NEDD1: variants seen among roughly 807,000 people sequenced by gnomAD.
NEDD1 encodes the protein protein NEDD1.
A neutral mutation model predicts 74.0 loss-of-function variants in NEDD1; 33 were observed. The ratio of observed to expected loss-of-function variants is 0.45; its 90% CI spans 0.34 to 0.60. The LOEUF (loss-of-function observed/expected upper bound fraction) is 0.60. Among genes scored for constraint, NEDD1 ranks in the 20% least tolerant of loss-of-function variants. The pLI is 0.01. For missense variants in NEDD1, 746 were observed against 776.5 expected, an observed-to-expected ratio of 0.96 and a Z score of 0.47; for synonymous variants, 250 against 264.4, an observed-to-expected ratio of 0.95 and a Z score of 0.53.
rs1247820013 is a variant in NEDD1 at position 96,930,236 on chromosome 12, C to G, written c.490-4740C>G. 2.6e-5 allele frequency among the ~76,000 whole-genome samples: 4 copies of G among 151,620 alleles called. No homozygotes were observed. In the East Asian group the frequency reaches 7.8e-4, roughly 29 times the overall value. On this transcript the variant is annotated intron_variant, in intron 6 of 15. Transcript: ENST00000266742. ...ACTCTCTCTCTCTCTCTCTCTCTCT[C>G]TCTCTCTCACACTCTCACATGCTGT...
intron 6 of NEDD1, among the ~76,000 whole-genome samples, chr12:96,932,998 C>A (rs1048064744): frequency 6.8e-6 from 1 of 147,892 alleles, no homozygotes; most frequent in African/African-American, 2.5e-5. Context: ...TTATCTTTAG[C>A]CTTTTTTTTT....
intron 6 of NEDD1, among the ~76,000 whole-genome samples, chr12:96,931,765 C>T (rs1565800483): frequency 6.6e-6 from 1 of 151,880 alleles, no homozygotes; most frequent in Non-Finnish European, 1.5e-5. Context: ...AGTATGATTC[C>T]AGGTTTTCTG....
chr12:96,950,757 TAGAATC>T (rs1467823531), intron 14 of NEDD1, among the ~76,000 whole-genome samples: 3 of 151,930 alleles, frequency 2.0e-5, no homozygotes, highest in Non-Finnish European at 4.4e-5. Context: ...AGTTAAGTGA[TAGAATC>T]AGACAGGAAC....
intron 12 of NEDD1, among the ~76,000 whole-genome samples, chr12:96,944,158 T>C (rs1175692842): frequency 2.0e-5 from 3 of 152,020 alleles, no homozygotes; most frequent in African/African-American, 7.2e-5. Context: ...TAATACAGAA[T>C]TTAATTTTTT....
At chr12:96,948,268 G>A (rs184486541) in intron 14 of NEDD1, among the ~76,000 whole-genome samples, 69 of 152,270 alleles carry the variant, frequency 4.5e-4, no homozygotes, top group Non-Finnish European at 7.9e-4. Context: ...CATGAGCGCT[G>A]AATGAAGGCT....
intron 12 of NEDD1, 134 bp downstream of exon 12, chr12:96,943,896 A>AAT: frequency 1.7e-6 from 1 of 597,100 alleles, no homozygotes; most frequent in Middle Eastern, 4.5e-4. Context: ...GATTTTAATA[A>AAT]CTACAGAATA....
chr12:96,937,244 A>G lies in NEDD1; in HGVS notation c.968A>G (p.Lys323Arg). Reference sequence around the variant, plus strand: ...TCAAATAAGCCCACAACAGTGAACAAACGAAGTGTTAATGTGAATGCTGCT... The same window carrying G: ...TCAAATAAGCCCACAACAGTGAACAGACGAAGTGTTAATGTGAATGCTGCT... ...GCSNKPTTVN[K>R]RSVNVNAASG... Residue 323 changes from lysine (K) to arginine (R), a missense_variant, in exon 9 of 16, where the codon AAA becomes AGA. By Grantham distance (26) the Lys-to-Arg change is conservative. Coordinates refer to ENST00000266742, the MANE Select transcript of NEDD1 (RefSeq NM_152905.4). The G allele has an allele frequency of 6.2e-7, 1 of 1,612,358 alleles. No individual in the cohort carries two copies. The highest frequency in any genetic ancestry group is 8.5e-7 in the Non-Finnish European group (1 of 1,179,064).
At chr12:96,913,808 CT>C (rs201945642) in intron 4 of NEDD1, among the ~76,000 whole-genome samples, 61 of 148,174 alleles carry the variant, frequency 4.1e-4, no homozygotes, top group African/African-American at 1.0e-3. Flanking sequence ...TAGTTGATAG[CT>C]TTTTTTTTTA....
At chr12:96,921,971 A>G (rs1294296828) in intron 6 of NEDD1, among the ~76,000 whole-genome samples, 6 of 152,162 alleles carry the variant, frequency 3.9e-5, no homozygotes, top group African/African-American at 7.2e-5. Context: ...AGGAGAAAGA[A>G]AATTGCATGG....
intron 6 of NEDD1, among the ~76,000 whole-genome samples, chr12:96,930,246 C>T (rs1876308646): frequency 6.6e-6 from 1 of 151,450 alleles, no homozygotes; most frequent in Non-Finnish European, 1.5e-5. Context: ...CTCTCTCTCA[C>T]ACTCTCACAT....
At chr12:96,910,493 C>A (rs1169127626) in intron 3 of NEDD1, among the ~76,000 whole-genome samples, 1 of 152,140 alleles carries the variant, frequency 6.6e-6, no homozygotes, top group Non-Finnish European at 1.5e-5. Flanking sequence ...CTGATTGACA[C>A]CTTCCCTGTC....
chr12:96,924,044 C>A (rs1875419661), intron 6 of NEDD1, among the ~76,000 whole-genome samples: 1 of 151,982 alleles, frequency 6.6e-6, no homozygotes, highest in South Asian at 2.1e-4. Flanking sequence ...TTGTTATGAT[C>A]CATTTCAAGT....
chr12:96,946,936 C>A (rs1022692500), intron 14 of NEDD1, among the ~76,000 whole-genome samples: 57 of 152,202 alleles, frequency 3.7e-4, no homozygotes, highest in African/African-American at 1.3e-3. Flanking sequence ...TGATTATTTC[C>A]CATCTTTGGG....
intron 2 of NEDD1, among the ~76,000 whole-genome samples, chr12:96,908,547 TCTTTGCCTTCTGTTTTCTAGA>T (rs1403566052): frequency 6.6e-6 from 1 of 152,224 alleles, no homozygotes; most frequent in East Asian, 1.9e-4. Context: ...TAGAGCAGCT[TCTTTGCCTTCTGTTTTCTAGA>T]CTTCCTTGGT....
chr12:96,930,191 A>T lies in NEDD1; in HGVS notation c.490-4785A>T, dbSNP rs866294521. ...CACACACACACACACACACACACAC[A>T]CACACACACACACACACACACTCTC... On this transcript the variant is annotated intron_variant, in intron 6 of 15. Coordinates refer to ENST00000266742, the MANE Select transcript of NEDD1 (RefSeq NM_152905.4). Among the ~76,000 whole-genome samples, 10 of 74,884 alleles carry T rather than the reference A, an allele frequency of 1.3e-4. 1 individual carries two copies. The highest frequency in any genetic ancestry group is 3.8e-4 in the African/African-American group (8 of 21,128). The allele number at this position is 74,884 out of a possible 152,430, so 49.1% of individuals were successfully genotyped here. A position where few individuals can be genotyped will look rare whatever the true frequency, so the allele number is the denominator to read the frequency against.
Position 96,940,487 on chromosome 12 carries a change from A to G in NEDD1, c.1196A>G (p.Asp399Gly), listed in dbSNP as rs758218672. ...SGKNQDFSSF[D>G]DTGKSSLGDM... ...AAAAATCAGGATTTCTCCAGCTTTG[A>G]TGATACTGGGAAAAGTAGTTTAGGT... is the stretch of plus-strand genomic sequence containing the variant. Residue 399 changes from aspartate (D) to glycine (G), a missense_variant, in exon 10 of 16, where the codon GAT becomes GGT. This residue lies in a region of NEDD1 where 706 missense variants were observed against 706.7 expected (regional missense o/e 1.00). Transcript: ENST00000266742. The G allele has an allele frequency of 2.1e-5, 34 of 1,606,172 alleles. No homozygotes were observed. Among genetic ancestry groups the G allele is most frequent in the Non-Finnish European group, 2.4e-5 (28 of 1,173,756 alleles).
In NEDD1 at chr12:96,937,342, C is replaced by T. The variant is rs759132000; in HGVS notation, c.1066C>T (p.Pro356Ser). 6.2e-7 allele frequency: 1 copy of T among 1,611,380 alleles called. No individual in the cohort carries two copies. Among genetic ancestry groups the T allele is most frequent in the East Asian group, 2.2e-5 (1 of 44,722 alleles). The change falls in exon 9 of 16, where the codon CCT becomes TCT. Residue 356 changes from proline to serine, a missense_variant. Transcript: ENST00000266742. ...GTCCATTGCCACAGTTCTACCACAA[C>T]CTATGACATCAGCTATGGGGAAAGG... is the stretch of plus-strand genomic sequence containing the variant. ...ATSIATVLPQPMTSAMGKGTV... is the reference protein window; with the variant it reads ...ATSIATVLPQSMTSAMGKGTV...
At chr12:96,949,739 A>G (rs899266707) in intron 14 of NEDD1, among the ~76,000 whole-genome samples, 1 of 152,134 alleles carries the variant, frequency 6.6e-6, no homozygotes, top group Non-Finnish European at 1.5e-5. Context: ...AAAGAAACCT[A>G]TGCATATATG....
At chr12:96,926,293 G>A (rs1875681021) in intron 6 of NEDD1, among the ~76,000 whole-genome samples, 1 of 152,128 alleles carries the variant, frequency 6.6e-6, no homozygotes, top group Non-Finnish European at 1.5e-5. Context: ...ATTAAAGAGG[G>A]TGAAAAATTT....
Sources: allele counts gnomAD v4.1 joint callset (sites outside exome capture counted in the v4.1 genomes callset), GRCh38; gene constraint gnomAD v4.1.1; regional missense constraint gnomAD v4.1.1; transcripts MANE v1.5; gene names NCBI Gene and HGNC (gene_info 2026-07-23, HGNC 2026-07-21).